TANC2: variants seen among roughly 807,000 people sequenced by gnomAD.
The protein encoded by TANC2 is protein TANC2.
TANC2 carries 26 observed loss-of-function variants against 210.5 expected under a neutral mutation model. That is an observed-to-expected ratio of 0.12 (90% CI 0.09 to 0.17). The LOEUF is 0.17. Ranked by LOEUF, TANC2 falls within the 10% of genes least tolerant of loss-of-function variation. The pLI, the probability that TANC2 is intolerant of heterozygous loss-of-function variation, is 1.00. For synonymous variants in TANC2, 931 were observed against 967.1 expected (o/e 0.96, Z 0.69); for missense variants, 2,129 against 2,608.9 (o/e 0.82, Z 4.01).
intron 1 of TANC2, among the ~76,000 whole-genome samples, chr17:62,974,884 C>T (rs375540713): frequency 4.6e-5 from 7 of 152,118 alleles, no homozygotes; most frequent in Admixed American, 6.5e-5. Context: ...AAGAAAAGTA[C>T]GTAAGCAATA....
intron 14 of TANC2, among the ~76,000 whole-genome samples, chr17:63,365,771 T>C (rs1263974441): frequency 6.6e-6 from 1 of 152,048 alleles, no homozygotes; most frequent in African/African-American, 2.4e-5. Context: ...TAGAAAGATC[T>C]CTCACTCCTC....
chr17:63,257,141 C>T (rs552106356), intron 8 of TANC2, among the ~76,000 whole-genome samples: 13 of 148,838 alleles, frequency 8.7e-5, no homozygotes, highest in South Asian at 6.3e-4. Flanking sequence ...ATTCCATTTA[C>T]GTTCAAGGTT....
intron 4 of TANC2, among the ~76,000 whole-genome samples, chr17:63,133,061 C>T (rs1258480450): frequency 6.6e-6 from 1 of 152,168 alleles, no homozygotes; most frequent in Non-Finnish European, 1.5e-5. Flanking sequence ...GCAACCTCCG[C>T]CTTCTGGGTT....
chr17:63,232,369 ATTCT>A (rs1271122965), intron 7 of TANC2, among the ~76,000 whole-genome samples: 1 of 152,166 alleles, frequency 6.6e-6, no homozygotes, highest in African/African-American at 2.4e-5. Context: ...TTTTTCATTG[ATTCT>A]TTCTCATCTT....
At chr17:63,209,594 T>G (rs1192065227) in intron 7 of TANC2, among the ~76,000 whole-genome samples, 1 of 151,928 alleles carries the variant, frequency 6.6e-6, no homozygotes, top group East Asian at 1.9e-4. Flanking sequence ...CCACCATGCC[T>G]GTCTAATTTT....
chr17:63,413,498 A>C (rs1355543474), intron 24 of TANC2, 45 bp from the exon 25 acceptor site: 1 of 1,492,676 alleles, frequency 6.7e-7, no homozygotes, highest in Admixed American at 2.0e-5. Flanking sequence ...TACCACCCTT[A>C]CATTGTATGA....
intron 7 of TANC2, 138 bp from the exon 8 acceptor site, chr17:63,237,676 T>G: frequency 1.3e-6 from 1 of 791,008 alleles, no homozygotes; most frequent in South Asian, 1.9e-5. Flanking sequence ...TTCCCCTGCA[T>G]ATGGCAATCC....
chr17:63,131,722 C>G (rs1261560510), intron 4 of TANC2, among the ~76,000 whole-genome samples: 1 of 152,154 alleles, frequency 6.6e-6, no homozygotes, highest in Non-Finnish European at 1.5e-5. Context: ...CTGTGCCCCA[C>G]CCTCAGAGTT....
intron 7 of TANC2, among the ~76,000 whole-genome samples, chr17:63,232,393 G>A (rs1005361799): frequency 5.3e-5 from 8 of 152,168 alleles, no homozygotes; most frequent in East Asian, 1.9e-4. Flanking sequence ...TCGTGAGTTC[G>A]TCTAGCTTCA....
At chr17:63,241,891 G>A (rs113164088) in intron 8 of TANC2, among the ~76,000 whole-genome samples, 3 of 152,076 alleles carry the variant, frequency 2.0e-5, no homozygotes, top group Non-Finnish European at 2.9e-5. Context: ...GACACTAAAC[G>A]GATTTGAAAG....
intron 5 of TANC2, among the ~76,000 whole-genome samples, chr17:63,180,013 T>C (rs1424283353): frequency 2.0e-5 from 3 of 146,486 alleles, no homozygotes; most frequent in African/African-American, 7.6e-5. Context: ...TGGTGGCACA[T>C]GCCTGTGGTA....
At chr17:63,295,390 T>C (rs532176601) in intron 9 of TANC2, among the ~76,000 whole-genome samples, 10 of 152,268 alleles carry the variant, frequency 6.6e-5, no homozygotes, top group Non-Finnish European at 1.0e-4. Context: ...CTTAATAGAC[T>C]ATTTCTCAGA....
intron 5 of TANC2, among the ~76,000 whole-genome samples, chr17:63,179,218 G>A (rs2040693696): frequency 2.0e-5 from 3 of 152,094 alleles, no homozygotes; most frequent in Admixed American, 2.0e-4. Context: ...AGATAATTCT[G>A]CTAGATGCTG....
In TANC2 at chr17:63,384,069, C is replaced by CT. The variant is rs200143495; in HGVS notation, c.2691+4253dup. 2.7e-3 allele frequency among the ~76,000 whole-genome samples: 397 copies of CT among 149,184 alleles called. 2 individuals are homozygous for CT. Among genetic ancestry groups the CT allele is most frequent in the African/African-American group, 9.0e-3 (366 of 40,726 alleles). ...GTATGACTTTAAGCAAGTTGTTTAACTTTTTTTTTTATATTTTTGGAGACA... is the reference window on the plus strand; with the variant it reads ...GTATGACTTTAAGCAAGTTGTTTAACTTTTTTTTTTTATATTTTTGGAGACA... On this transcript the variant is annotated intron_variant, in intron 15 of 27. Coordinates refer to ENST00000689528, the Ensembl canonical transcript of TANC2.
chr17:63,214,667 T>C (rs192975048), intron 7 of TANC2, among the ~76,000 whole-genome samples: 1 of 152,288 alleles, frequency 6.6e-6, no homozygotes, highest in East Asian at 1.9e-4. Context: ...TTTATACAGG[T>C]ACTAATCCCA....
intron 2 of TANC2, among the ~76,000 whole-genome samples, chr17:63,055,965 CAAAAAA>C (rs869063496): frequency 8.9e-4 from 47 of 52,544 alleles, no homozygotes; most frequent in Admixed American, 2.5e-3. Context: ...TCATCTCTAC[CAAAAAA>C]AAAAAAAAAA....
chr17:62,987,594 A>G (rs1238836911), intron 1 of TANC2, among the ~76,000 whole-genome samples: 1 of 152,120 alleles, frequency 6.6e-6, no homozygotes, highest in East Asian at 1.9e-4. Flanking sequence ...TTTTCCCTGC[A>G]ACAGGAAGTC....
At chr17:63,330,760 G>A (rs918527350) in intron 11 of TANC2, among the ~76,000 whole-genome samples, 1 of 152,178 alleles carries the variant, frequency 6.6e-6, no homozygotes, top group Admixed American at 6.5e-5. Context: ...GACTTCCACT[G>A]AGAACAATGA....
intron 1 of TANC2, among the ~76,000 whole-genome samples, chr17:62,983,313 C>T (rs1010664073): frequency 2.6e-5 from 4 of 151,568 alleles, no homozygotes; most frequent in East Asian, 1.9e-4. Context: ...TTATTGAATT[C>T]GTTGATCAAT....
Sources: allele counts gnomAD v4.1 joint callset (sites outside exome capture counted in the v4.1 genomes callset), GRCh38; gene constraint gnomAD v4.1.1; transcripts MANE v1.5; gene names NCBI Gene and HGNC (gene_info 2026-07-23, HGNC 2026-07-21).